DNAH8: variants seen among roughly 807,000 people sequenced by gnomAD.
DNAH8 encodes the protein axonemal beta dynein heavy chain 8.
DNAH8 carries 382 observed loss-of-function variants against 562.1 expected under a neutral mutation model. That is an observed-to-expected ratio of 0.68 (90% confidence interval 0.63 to 0.74). The LOEUF is 0.74. DNAH8 is among the 30% of genes least tolerant of loss of function. The probability of loss-of-function intolerance (pLI) is 0.00; values close to 1 mark genes in which losing one functional copy is unlikely to be tolerated. For missense variants in DNAH8, 5,203 were observed against 5,620.4 expected, an observed-to-expected ratio of 0.93 and a Z score of 2.37; for synonymous variants, 1,881 against 1,919.4, an observed-to-expected ratio of 0.98 and a Z score of 0.52.
At chr6:38,744,567 TG>T (rs1391742687) in intron 8 of DNAH8, among the ~76,000 whole-genome samples, 1 of 151,874 alleles carries the variant, frequency 6.6e-6, no homozygotes, top group African/African-American at 2.4e-5. Context: ...ATTCAGACAT[TG>T]TTTTGTACTG....
intron 21 of DNAH8, among the ~76,000 whole-genome samples, chr6:38,793,364 A>G (rs1183157240): frequency 2.6e-5 from 4 of 151,884 alleles, no homozygotes; most frequent in African/African-American, 9.7e-5. Context: ...CAAGTTTAAG[A>G]TGATTATATC....
At position 38,873,019 on chromosome 6, in the gene DNAH8, C is replaced by T. The variant is rs1196524594; in HGVS notation, c.7351C>T (p.Pro2451Ser). The T allele has an allele frequency of 6.2e-7, 1 of 1,614,018 alleles. No individual in the cohort carries two copies. Among genetic ancestry groups the T allele is most frequent in the African/African-American group, 1.3e-5 (1 of 74,926 alleles). The change falls in exon 51 of 93, where the codon CCC (proline) becomes TCC (serine). Residue 2451 changes from proline to serine, a missense_variant. Physicochemically the swap from Pro to Ser is moderately conservative, Grantham distance 74. This residue lies in a region of DNAH8 where 977 missense variants were observed against 1,061.8 expected (regional missense o/e 0.92). Transcript: ENST00000327475. ...TLTLANGDRI[P>S]MAPSCKLLFE... ...GACGTTAGCTAATGGAGATCGCATT[C>T]CCATGGCCCCTAGTTGTAAGCTTCT...
intron 12 of DNAH8, among the ~76,000 whole-genome samples, chr6:38,773,312 A>C (rs1045750329): frequency 1.3e-5 from 2 of 151,236 alleles, no homozygotes; most frequent in African/African-American, 4.8e-5. Context: ...TGTCGCTTTG[A>C]AATTTGTAGT....
chr6:38,938,763 C>A, intron 78 of DNAH8, 35 bp from the exon 79 acceptor site: 1 of 1,491,354 alleles, frequency 6.7e-7, no homozygotes, highest in Non-Finnish European at 9.2e-7. Context: ...AAAGAAATTG[C>A]CCTTTGCTTC....
At chr6:38,936,930 A>G (rs112951391) in intron 77 of DNAH8, among the ~76,000 whole-genome samples, 1,947 of 152,312 alleles carry the variant, frequency 0.013, 30 homozygotes, top group Middle Eastern at 0.037. Context: ...GGGGACTGTT[A>G]GCTCAGTACA....
intron 82 of DNAH8, among the ~76,000 whole-genome samples, chr6:38,966,333 T>G (rs888609634): frequency 6.6e-6 from 1 of 152,188 alleles, no homozygotes; most frequent in Non-Finnish European, 1.5e-5. Context: ...AGTATGGAGA[T>G]TTATTCATTA....
At chr6:38,860,756 G>T in intron 43 of DNAH8, 127 bp downstream of exon 43, 1 of 571,676 alleles carries the variant, frequency 1.7e-6, no homozygotes. Context: ...GCTCATTAAA[G>T]TCAGCCTAAC....
intron 24 of DNAH8, among the ~76,000 whole-genome samples, chr6:38,810,743 C>A (rs976266368): frequency 1.3e-5 from 2 of 152,088 alleles, no homozygotes; most frequent in African/African-American, 4.8e-5. Context: ...TGTAAACACT[C>A]AAAAATAATA....
rs1053684664 is a variant in DNAH8, at chr6:38,887,101, G to T, written c.8473+97G>T. On this transcript the variant is annotated intron_variant, in intron 57 of 92. Coordinates refer to ENST00000327475, the MANE Select transcript of DNAH8 (RefSeq NM_001206927.2). The stretch of plus-strand genomic sequence containing the variant: ...AGACAAAAAGGCTCTGTCTAAAGTG[G>T]GGTTAGGTATGTGAAATGGAGAGCT... 4 of 856,310 alleles carry T rather than the reference G, an allele frequency of 4.7e-6. No individual in the cohort carries two copies. The African/African-American group carries it at 6.8e-5, about 14-fold the overall frequency. The allele number at this position is 856,310 out of a possible 1,614,324, so 53.0% of individuals were successfully genotyped here. A position where few individuals can be genotyped will look rare whatever the true frequency, so the allele number is the denominator to read the frequency against.
chr6:38,949,080 A>T (rs1761669586), intron 80 of DNAH8, among the ~76,000 whole-genome samples: 1 of 152,046 alleles, frequency 6.6e-6, no homozygotes, highest in South Asian at 2.1e-4. Flanking sequence ...CATCTAGTGG[A>T]TAGGGACGCT....
At chr6:38,855,865 G>A (rs897104336) in intron 41 of DNAH8, among the ~76,000 whole-genome samples, 3 of 152,056 alleles carry the variant, frequency 2.0e-5, no homozygotes, top group Admixed American at 6.5e-5. Flanking sequence ...GATCAACGGC[G>A]GCATGAGATT....
At chr6:38,737,704 A>T in intron 6 of DNAH8, 105 bp from the exon 7 acceptor site, 1 of 445,746 alleles carries the variant, frequency 2.2e-6, no homozygotes, top group Non-Finnish European at 3.3e-6. Context: ...TAACACATTG[A>T]CATTAAATAC....
In DNAH8 at chr6:38,886,954, C is replaced by T. The variant is rs1778973456; in HGVS notation, c.8423C>T (p.Thr2808Ile). The change falls in exon 57 of 93, where the codon ACT (threonine) becomes ATT (isoleucine). Residue 2808 changes from threonine to isoleucine, a missense_variant. By Grantham distance (89) the Thr-to-Ile change is moderately conservative. This residue lies in a region of DNAH8 where 977 missense variants were observed against 1,061.8 expected (regional missense o/e 0.92). Transcript: ENST00000327475. ...DIPQRLKRQFTVFNCTLPSNA... is the reference protein window; with the variant it reads ...DIPQRLKRQFIVFNCTLPSNA... ...CCACAACGTTTAAAAAGACAATTTA[C>T]TGTGTTTAATTGTACATTGCCTTCA... 1 of 1,613,876 alleles carries T rather than the reference C, an allele frequency of 6.2e-7. No individual in the cohort carries two copies. The highest frequency in any genetic ancestry group is 8.5e-7 in the Non-Finnish European group (1 of 1,179,812).
chr6:38,723,811 G>A (rs1480118174), intron 3 of DNAH8, among the ~76,000 whole-genome samples: 1 of 151,990 alleles, frequency 6.6e-6, no homozygotes, highest in East Asian at 1.9e-4. Context: ...GGGAGGTGGA[G>A]GATGCAGTGA....
At chr6:38,942,224 A>G (rs1783522646) in intron 79 of DNAH8, among the ~76,000 whole-genome samples, 1 of 152,190 alleles carries the variant, frequency 6.6e-6, no homozygotes, top group African/African-American at 2.4e-5. Context: ...ATACCGTGCA[A>G]TACGAGTGGA....
intron 48 of DNAH8, among the ~76,000 whole-genome samples, chr6:38,869,478 G>A (rs1449438362): frequency 6.6e-6 from 1 of 152,114 alleles, no homozygotes; most frequent in Non-Finnish European, 1.5e-5. Flanking sequence ...AAGTACTCAA[G>A]AAAGCATCAG....
intron 11 of DNAH8, among the ~76,000 whole-genome samples, chr6:38,769,024 C>G (rs1273842823): frequency 1.3e-5 from 2 of 152,126 alleles, no homozygotes; most frequent in African/African-American, 4.8e-5. Context: ...AGATTACTAG[C>G]CATTTACTGA....
At chr6:38,734,326 A>ACCT (rs1554195318) in intron 4 of DNAH8, 148 bp from the exon 5 acceptor site, 2 of 451,112 alleles carry the variant, frequency 4.4e-6, no homozygotes, top group Non-Finnish European at 6.6e-6. Context: ...CTTCTAGTAG[A>ACCT]CCCCCCCCCA....
chr6:38,919,790 T>A (rs1781565397), intron 70 of DNAH8, among the ~76,000 whole-genome samples: 1 of 152,138 alleles, frequency 6.6e-6, no homozygotes, highest in Non-Finnish European at 1.5e-5. Flanking sequence ...TTACCAAAGC[T>A]TCTGTGATAT....
Sources: gnomAD v4.1 joint callset for allele counts (sites outside exome capture counted in the v4.1 genomes callset) on GRCh38, gnomAD v4.1.1 for gene constraint, gnomAD v4.1.1 regional missense constraint, MANE v1.5 for transcripts, NCBI Gene and HGNC (gene_info 2026-07-23, HGNC 2026-07-21) for gene names.